DLGAP1: variants seen among roughly 807,000 people sequenced by gnomAD.
DLGAP1 encodes DLG associated protein 1, also known as disks large-associated protein 1.
DLGAP1 carries 11 observed loss-of-function variants against 90.8 expected under a neutral mutation model. The ratio of observed to expected loss-of-function variants is 0.12; its 90% confidence interval spans 0.08 to 0.20. DLGAP1 has a LOEUF of 0.20. Ranked by LOEUF, DLGAP1 falls within the 10% of genes least tolerant of loss-of-function variation. The probability of loss-of-function intolerance (pLI) is 1.00; values close to 1 mark genes in which losing one functional copy is unlikely to be tolerated. For synonymous variants in DLGAP1, 558 were observed against 540.7 expected, an observed-to-expected ratio of 1.03 and a Z score of -0.44; for missense variants, 1,050 against 1,333.8, an observed-to-expected ratio of 0.79 and a Z score of 3.31.
At chr18:4,418,470 G>A (rs11081108) in intron 1 of DLGAP1, among the ~76,000 whole-genome samples, 14,488 of 152,118 alleles carry the variant, frequency 0.095, 2,208 homozygotes, top group African/African-American at 0.32. Flanking sequence ...AGAAGGATAT[G>A]ATAAAAGATC....
At chr18:3,878,632 T>C (rs1324628161) in intron 4 of DLGAP1, among the ~76,000 whole-genome samples, 1 of 152,152 alleles carries the variant, frequency 6.6e-6, no homozygotes, top group Non-Finnish European at 1.5e-5. Flanking sequence ...GTTATGATGA[T>C]GACCATCGCA....
chr18:3,537,060 C>G (rs2052422323), intron 9 of DLGAP1, among the ~76,000 whole-genome samples: 1 of 151,872 alleles, frequency 6.6e-6, no homozygotes, highest in South Asian at 2.1e-4. Context: ...GCTTCCTGGC[C>G]TAATAGTTTA....
chr18:3,614,495 A>C lies in DLGAP1; in HGVS notation c.1592-32247T>G, dbSNP rs1170539492. ...AACACTCATAATATTTGATATGAAA[A>C]TACCATGGTGGCAAATAGCTGTATC... On this transcript the variant is annotated intron_variant, in intron 7 of 12. Transcript: ENST00000315677. Among the ~76,000 whole-genome samples the C allele has an allele frequency of 1.3e-5, 2 of 152,116 alleles. 1 individual carries two copies. The highest frequency in any genetic ancestry group is 4.1e-4 in the South Asian group (2 of 4,828).
At chr18:3,731,988 T>C (rs1229425686) in intron 6 of DLGAP1, among the ~76,000 whole-genome samples, 1 of 152,222 alleles carries the variant, frequency 6.6e-6, no homozygotes, top group Non-Finnish European at 1.5e-5. Context: ...TCTTTATGTT[T>C]TATTTCACCC....
intron 5 of DLGAP1, among the ~76,000 whole-genome samples, chr18:3,798,012 G>A (rs553882577): frequency 1.6e-3 from 238 of 152,260 alleles, no homozygotes; most frequent in Non-Finnish European, 1.7e-3. Flanking sequence ...CTTGCCTTCT[G>A]CCATGATTGT....
At chr18:4,149,679 G>A (rs1275839117) in intron 2 of DLGAP1, among the ~76,000 whole-genome samples, 1 of 152,226 alleles carries the variant, frequency 6.6e-6, no homozygotes, top group Non-Finnish European at 1.5e-5. Context: ...AATTCTCATA[G>A]GAGCATGATC....
chr18:4,395,831 C>A (rs367922849), intron 1 of DLGAP1, among the ~76,000 whole-genome samples: 2 of 152,160 alleles, frequency 1.3e-5, no homozygotes, highest in Non-Finnish European at 2.9e-5. Context: ...CATAATCAAA[C>A]GCCCAAGTAA....
rs144053586 is a variant in DLGAP1 at position 4,412,953 on chromosome 18, G to A, written c.-267+42053C>T. ...CTGCCTTTTTAGGTGATGGCAGATCGGAGGGGATGCTATTACAGAGCGCCA... is the reference window on the plus strand; with the variant it reads ...CTGCCTTTTTAGGTGATGGCAGATCAGAGGGGATGCTATTACAGAGCGCCA... On this transcript the variant is annotated intron_variant, in intron 1 of 12. Coordinates refer to ENST00000315677, the MANE Select transcript of DLGAP1 (RefSeq NM_004746.4). Among the ~76,000 whole-genome samples the A allele has an allele frequency of 3.1e-3, 466 of 152,298 alleles. 4 individuals are homozygous for A. The highest frequency in any genetic ancestry group is 6.8e-3 in the Middle Eastern group (2 of 294).
Position 3,725,142 on chromosome 18 carries a change from G to C in DLGAP1, c.1591+3993C>G, listed in dbSNP as rs541786185. 2.6e-5 allele frequency among the ~76,000 whole-genome samples: 4 copies of C among 152,246 alleles called. No homozygotes were observed. The South Asian group carries it at 8.3e-4, about 32-fold the overall frequency. ...TGATTTACTTTGTGTCCTTTTTGAA[G>C]TTTTTTCTGTACATTTACGAGTGTG... is the stretch of plus-strand genomic sequence containing the variant. On this transcript the variant is annotated intron_variant, in intron 7 of 12. Coordinates refer to ENST00000315677, the MANE Select transcript of DLGAP1 (RefSeq NM_004746.4).
intron 1 of DLGAP1, among the ~76,000 whole-genome samples, chr18:4,320,209 C>T (rs773533713): frequency 6.6e-6 from 1 of 152,056 alleles, no homozygotes; most frequent in African/African-American, 2.4e-5. Context: ...CTTCCTCCCA[C>T]GATTTTCACA....
At chr18:4,320,862 C>A (rs1415167729) in intron 1 of DLGAP1, among the ~76,000 whole-genome samples, 2 of 152,052 alleles carry the variant, frequency 1.3e-5, no homozygotes, top group East Asian at 1.9e-4. Flanking sequence ...GCCAATAGTG[C>A]CCTAGTATTT....
intron 3 of DLGAP1, 124 bp from the exon 4 acceptor site, chr18:3,880,264 G>C (rs1385005733): frequency 1.6e-6 from 1 of 611,388 alleles, no homozygotes; most frequent in East Asian, 2.8e-5. Context: ...GCTTCCTGCA[G>C]CCTCCACATC....
chr18:4,087,932 TAGACTAAAATCTAAC>T (rs1322208539), intron 2 of DLGAP1, among the ~76,000 whole-genome samples: 1 of 152,172 alleles, frequency 6.6e-6, no homozygotes. Flanking sequence ...CTGCTATGTT[TAGACTAAAATCTAAC>T]ATCTGGCTAG....
In DLGAP1 at chr18:4,010,297, C is replaced by T. The variant is rs546579421; in HGVS notation, c.-158-5096G>A. On this transcript the variant is annotated intron_variant, in intron 2 of 12. Coordinates refer to ENST00000315677, the MANE Select transcript of DLGAP1 (RefSeq NM_004746.4). ...CGGTGGCTCAGTGCTGTAATCCCAG[C>T]ACTTTGGGAAGCCAAGGCAGGAGGA... 1.6e-3 allele frequency among the ~76,000 whole-genome samples: 249 copies of T among 152,284 alleles called. 3 individuals are homozygous for T. In the South Asian group the frequency reaches 0.03, roughly 19 times the overall value.
intron 7 of DLGAP1, among the ~76,000 whole-genome samples, chr18:3,656,995 C>T (rs2059514235): frequency 6.6e-6 from 1 of 152,178 alleles, no homozygotes. Flanking sequence ...ATCCGCCCGC[C>T]TCAGCCTCCC....
intron 7 of DLGAP1, among the ~76,000 whole-genome samples, chr18:3,648,907 G>A (rs1044943261): frequency 6.6e-6 from 1 of 152,198 alleles, no homozygotes; most frequent in Admixed American, 6.5e-5. Context: ...GTGAAGGGTA[G>A]GTTATGGTGC....
chr18:3,634,584 A>G (rs755054837), intron 7 of DLGAP1, among the ~76,000 whole-genome samples: 2 of 152,236 alleles, frequency 1.3e-5, no homozygotes, highest in African/African-American at 2.4e-5. Context: ...TATATTGAGA[A>G]TATTGCCTTC....
At chr18:3,908,471 C>T (rs2071961009) in intron 3 of DLGAP1, among the ~76,000 whole-genome samples, 1 of 152,124 alleles carries the variant, frequency 6.6e-6, no homozygotes, top group Non-Finnish European at 1.5e-5. Flanking sequence ...TTACTGATTT[C>T]TGGCCCCCAT....
At chr18:3,600,699 T>TATATATAG in intron 7 of DLGAP1, among the ~76,000 whole-genome samples, 3 of 131,018 alleles carry the variant, frequency 2.3e-5, no homozygotes, top group African/African-American at 9.3e-5. Flanking sequence ...TCTATATAGA[T>TATATATAG]ATCTATAGCT....
Sources: allele counts gnomAD v4.1 joint callset (sites outside exome capture counted in the v4.1 genomes callset), GRCh38; gene constraint gnomAD v4.1.1; transcripts MANE v1.5; gene names NCBI Gene and HGNC (gene_info 2026-07-23, HGNC 2026-07-21).